The following ECM2 variants were observed in gnomAD, a reference collection of about 807,000 sequenced individuals.
ECM2 encodes the protein extracellular matrix protein 2.
Under a neutral mutation model 67.5 loss-of-function variants are expected in ECM2, and 57 were observed. That is an observed-to-expected ratio of 0.84 (90% CI 0.68 to 1.05). ECM2 has a LOEUF of 1.05. Ranked by LOEUF, ECM2 falls within the 50% of genes least tolerant of loss-of-function variation. ECM2 has a pLI of 0.00. For synonymous variants in ECM2, 258 were observed against 294.5 expected (o/e 0.88, Z 1.27); for missense variants, 741 against 822.8 (o/e 0.90, Z 1.22).
the ECM2 span, among the ~76,000 whole-genome samples, chr9:92,546,306 A>G: frequency 6.1e-4 from 93 of 152,290 alleles, no homozygotes; most frequent in African/African-American, 2.1e-3. Flanking sequence ...CAGGCTGCCC[A>G]AGCTAGCCCT....
the ECM2 span, among the ~76,000 whole-genome samples, chr9:92,552,554 G>GT: frequency 6.6e-6 from 1 of 152,182 alleles, no homozygotes; most frequent in South Asian, 2.1e-4. Flanking sequence ...GAGTAAGGTG[G>GT]TATCACATTG....
upstream of ECM2, among the ~76,000 whole-genome samples, chr9:92,541,446 C>G (rs1023455466): frequency 1.0e-4 from 15 of 145,810 alleles, no homozygotes; most frequent in South Asian, 9.1e-4. Context: ...CCCACACCCC[C>G]ACCCTCCTGG....
chr9:92,500,608 A>T (rs958260878), intron 9 of ECM2, 119 bp downstream of exon 9: 14 of 1,003,596 alleles, frequency 1.4e-5, no homozygotes, highest in Non-Finnish European at 2.0e-5. Flanking sequence ...GTTTAATCCA[A>T]CCCCTTAGCA....
chr9:92,546,354 C>G, the ECM2 span, among the ~76,000 whole-genome samples: 1 of 152,176 alleles, frequency 6.6e-6, no homozygotes, highest in Non-Finnish European at 1.5e-5. Flanking sequence ...TGTGTGGAAG[C>G]TTTGTTCTTT....
intron 1 of ECM2, among the ~76,000 whole-genome samples, chr9:92,533,328 A>AAAAAAAATAT (rs1554683138): frequency 1.6e-4 from 6 of 38,336 alleles, no homozygotes; most frequent in Non-Finnish European, 1.7e-4. Context: ...AAAAAAAAAA[A>AAAAAAAATAT]ATATATATAT....
At chr9:92,543,786 G>A in the ECM2 span, among the ~76,000 whole-genome samples, 9 of 152,040 alleles carry the variant, frequency 5.9e-5, no homozygotes, top group Non-Finnish European at 1.3e-4. Context: ...TTATTCTTAA[G>A]TATTTTGTTA....
intron 1 of ECM2, among the ~76,000 whole-genome samples, chr9:92,535,413 A>G (rs759395690): frequency 4.1e-4 from 62 of 152,132 alleles, no homozygotes; most frequent in Non-Finnish European, 7.9e-4. Context: ...TTTATCAAGT[A>G]ATTTTTTTCC....
chr9:92,494,971 C>T (rs1429765798), downstream of ECM2, among the ~76,000 whole-genome samples: 2 of 152,108 alleles, frequency 1.3e-5, no homozygotes, highest in African/African-American at 4.8e-5. Context: ...CTGAAAGTCA[C>T]CCATGAAATT....
intron 9 of ECM2, among the ~76,000 whole-genome samples, chr9:92,497,695 GT>G (rs1846429749): frequency 6.6e-6 from 1 of 151,378 alleles, no homozygotes. Context: ...ATAAGGTTTG[GT>G]TTTTTTGACC....
chr9:92,501,780 A>G (rs1846694035), intron 8 of ECM2, among the ~76,000 whole-genome samples: 1 of 152,156 alleles, frequency 6.6e-6, no homozygotes, highest in Non-Finnish European at 1.5e-5. Flanking sequence ...AGGCTGTGCT[A>G]CTTAGGCACA....
the ECM2 span, among the ~76,000 whole-genome samples, chr9:92,550,251 C>T: frequency 6.6e-6 from 1 of 152,088 alleles, no homozygotes; most frequent in Admixed American, 6.6e-5. Context: ...ACAAAATTAG[C>T]TGGGTGTGGT....
the ECM2 span, among the ~76,000 whole-genome samples, chr9:92,554,507 G>A: frequency 6.6e-6 from 1 of 152,120 alleles, no homozygotes; most frequent in African/African-American, 2.4e-5. Context: ...TGCTTATGTG[G>A]TGTATCACGT....
chr9:92,553,156 G>T, the ECM2 span, among the ~76,000 whole-genome samples: 2 of 151,970 alleles, frequency 1.3e-5, no homozygotes, highest in Non-Finnish European at 2.9e-5. Context: ...AGCACCATTT[G>T]TTGAAAAGGT....
At chr9:92,556,206 C>CA in the ECM2 span, among the ~76,000 whole-genome samples, 1 of 152,042 alleles carries the variant, frequency 6.6e-6, no homozygotes, top group Non-Finnish European at 1.5e-5. Flanking sequence ...TTGAAGTTTC[C>CA]TTTTGGAATT....
chr9:92,498,212 C>T (rs1021145794), intron 9 of ECM2, among the ~76,000 whole-genome samples: 1 of 151,982 alleles, frequency 6.6e-6, no homozygotes, highest in African/African-American at 2.4e-5. Context: ...TGTATGTAGG[C>T]TTTTGTTTGC....
intron 9 of ECM2, among the ~76,000 whole-genome samples, chr9:92,496,744 AT>A (rs889148227): frequency 6.6e-6 from 1 of 152,218 alleles, no homozygotes; most frequent in African/African-American, 2.4e-5. Context: ...GAATGAAAAG[AT>A]TTAAAATTTA....
At chr9:92,551,925 G>A in the ECM2 span, among the ~76,000 whole-genome samples, 17 of 84,552 alleles carry the variant, frequency 2.0e-4, no homozygotes, top group South Asian at 3.0e-4. Context: ...TGGTGTGTGT[G>A]TATATATATA....
intron 1 of ECM2, among the ~76,000 whole-genome samples, chr9:92,531,686 T>C (rs1446834641): frequency 6.6e-6 from 1 of 152,140 alleles, no homozygotes; most frequent in Non-Finnish European, 1.5e-5. Context: ...CGCCCCTCAA[T>C]TGAGAACCAC....
chr9:92,521,613 A>G (rs972033512), intron 2 of ECM2, among the ~76,000 whole-genome samples: 1 of 152,194 alleles, frequency 6.6e-6, no homozygotes, highest in African/African-American at 2.4e-5. Flanking sequence ...ACATGTCTAT[A>G]ATATACTTTT....
Sources: gnomAD v4.1 joint callset for allele counts (sites outside exome capture counted in the v4.1 genomes callset) on GRCh38, gnomAD v4.1.1 for gene constraint, MANE v1.5 for transcripts, NCBI Gene and HGNC (gene_info 2026-07-23, HGNC 2026-07-21) for gene names.